Variants in SDK1 observed in about 807,000 individuals in gnomAD.
SDK1 encodes the protein protein sidekick-1.
A neutral mutation model predicts 245.5 loss-of-function variants in SDK1; 157 were observed. The ratio of observed to expected loss-of-function variants is 0.64; its 90% CI spans 0.56 to 0.73. SDK1 has a LOEUF of 0.73. Ranked by LOEUF, SDK1 falls within the 30% of genes least tolerant of loss-of-function variation. The pLI is 0.00. For synonymous variants in SDK1, 1,647 were observed against 1,278.5 expected, an observed-to-expected ratio of 1.29 and a Z score of -6.15; for missense variants, 3,583 against 3,002.3, an observed-to-expected ratio of 1.19 and a Z score of -4.52.
At chr7:4,060,320 C>G (rs1779457061) in intron 19 of SDK1, among the ~76,000 whole-genome samples, 2 of 152,116 alleles carry the variant, frequency 1.3e-5, no homozygotes, top group Admixed American at 1.3e-4. Flanking sequence ...AGTGATACAC[C>G]TCAAGGACAA....
At chr7:3,941,875 C>G (rs1021158204) in intron 5 of SDK1, among the ~76,000 whole-genome samples, 2 of 151,830 alleles carry the variant, frequency 1.3e-5, no homozygotes, top group African/African-American at 4.8e-5. Context: ...CTGGTGATAA[C>G]CAGCCGTGGT....
intron 5 of SDK1, among the ~76,000 whole-genome samples, chr7:3,892,193 G>A (rs1014918023): frequency 3.3e-5 from 5 of 152,170 alleles, no homozygotes; most frequent in Admixed American, 1.3e-4. Flanking sequence ...CTACTTCTGT[G>A]TACCAATTTC....
chr7:4,236,255 A>G (rs954004294), intron 41 of SDK1, among the ~76,000 whole-genome samples: 2 of 151,524 alleles, frequency 1.3e-5, no homozygotes, highest in African/African-American at 4.9e-5. Context: ...CACAGAACCT[A>G]CTCCCCTTCC....
intron 4 of SDK1, among the ~76,000 whole-genome samples, chr7:3,652,310 A>C (rs1370343815): frequency 6.6e-6 from 1 of 152,176 alleles, no homozygotes; most frequent in Non-Finnish European, 1.5e-5. Flanking sequence ...GAATGTGAAG[A>C]GCCAGGAGAG....
chr7:3,840,428 C>T (rs1464065142), intron 5 of SDK1, among the ~76,000 whole-genome samples: 1 of 152,116 alleles, frequency 6.6e-6, no homozygotes, highest in Non-Finnish European at 1.5e-5. Flanking sequence ...TTTTAGTCCT[C>T]AGGTGATTTT....
chr7:4,070,924 A>G (rs1237165798), intron 20 of SDK1, among the ~76,000 whole-genome samples: 2 of 151,272 alleles, frequency 1.3e-5, no homozygotes, highest in African/African-American at 2.4e-5. Context: ...GTTAGCCAGG[A>G]TGGTCTCGAT....
chr7:4,020,519 G>A (rs1289732434), intron 17 of SDK1, among the ~76,000 whole-genome samples: 2 of 152,186 alleles, frequency 1.3e-5, no homozygotes, highest in Admixed American at 6.5e-5. Context: ...AAGGGAAGAC[G>A]GGGGCAATGC....
intron 42 of SDK1, among the ~76,000 whole-genome samples, chr7:4,238,438 C>T (rs768997116): frequency 6.6e-6 from 1 of 152,032 alleles, no homozygotes; most frequent in Non-Finnish European, 1.5e-5. Context: ...GTGGCTTATG[C>T]CTGTAATCCT....
intron 44 of SDK1, among the ~76,000 whole-genome samples, chr7:4,250,554 A>G (rs965757475): frequency 1.2e-4 from 19 of 152,156 alleles, no homozygotes; most frequent in African/African-American, 4.3e-4. Context: ...CATATTGGCC[A>G]GGCTGGTCTC....
chr7:3,392,147 G>GA (rs754489502), intron 1 of SDK1, among the ~76,000 whole-genome samples: 1 of 152,010 alleles, frequency 6.6e-6, no homozygotes, highest in Non-Finnish European at 1.5e-5. Flanking sequence ...ATCAGTAACT[G>GA]AACGCTTAAA....
chr7:3,891,587 C>T (rs1016876089), intron 5 of SDK1, among the ~76,000 whole-genome samples: 11 of 152,158 alleles, frequency 7.2e-5, no homozygotes, highest in East Asian at 1.9e-4. Context: ...AGTCATTTTT[C>T]GTGCATGTCC....
chr7:3,324,677 A>G (rs1175091348), intron 1 of SDK1, among the ~76,000 whole-genome samples: 1 of 152,182 alleles, frequency 6.6e-6, no homozygotes, highest in South Asian at 2.1e-4. Flanking sequence ...TCTTACTTTT[A>G]CTGTTAAAAT....
At chr7:3,336,709 C>G (rs1780209774) in intron 1 of SDK1, among the ~76,000 whole-genome samples, 1 of 152,178 alleles carries the variant, frequency 6.6e-6, no homozygotes, top group Admixed American at 6.5e-5. Context: ...TTTCCCTTCC[C>G]TGTGGTAGCT....
intron 5 of SDK1, among the ~76,000 whole-genome samples, chr7:3,850,390 G>A (rs1320779692): frequency 6.6e-6 from 1 of 152,182 alleles, no homozygotes; most frequent in Admixed American, 6.5e-5. Context: ...AAAATAAGAT[G>A]CCTTTTACAC....
intron 1 of SDK1, among the ~76,000 whole-genome samples, chr7:3,394,155 C>G (rs1283569406): frequency 1.3e-5 from 2 of 151,758 alleles, no homozygotes; most frequent in Non-Finnish European, 3.0e-5. Context: ...TTGTTCTCCT[C>G]CTTTTCTCCC....
chr7:3,344,229 A>C (rs1780433617), intron 1 of SDK1, among the ~76,000 whole-genome samples: 2 of 152,226 alleles, frequency 1.3e-5, no homozygotes, highest in African/African-American at 4.8e-5. Context: ...GTTCAATTTT[A>C]AAAAATGTTT....
chr7:4,102,420 T>C (rs1782616973), intron 22 of SDK1, among the ~76,000 whole-genome samples: 1 of 152,172 alleles, frequency 6.6e-6, no homozygotes, highest in Non-Finnish European at 1.5e-5. Context: ...GCGCTTGGCT[T>C]GGCAGCTTTC....
intron 30 of SDK1, among the ~76,000 whole-genome samples, chr7:4,156,072 C>G (rs570372642): frequency 1.3e-5 from 2 of 152,166 alleles, no homozygotes; most frequent in Non-Finnish European, 2.9e-5. Context: ...CTCAGTTTCA[C>G]GATGCCTGTG....
intron 1 of SDK1, among the ~76,000 whole-genome samples, chr7:3,535,641 G>A (rs1288772924): frequency 6.6e-6 from 1 of 152,144 alleles, no homozygotes; most frequent in Non-Finnish European, 1.5e-5. Flanking sequence ...TTCCCTCATT[G>A]TATGAGAAAC....
Sources: allele counts gnomAD v4.1 joint callset (sites outside exome capture counted in the v4.1 genomes callset), GRCh38; gene constraint gnomAD v4.1.1; transcripts MANE v1.5; gene names NCBI Gene and HGNC (gene_info 2026-07-23, HGNC 2026-07-21).